Variants in MRM1 observed in about 807,000 individuals in gnomAD.
MRM1 encodes the protein rRNA methyltransferase 1, mitochondrial.
In MRM1, 24 loss-of-function variants were observed where a neutral mutation model predicts 25.0. The observed-to-expected ratio is 0.96, with a 90% CI of 0.69 to 1.35. The LOEUF is 1.35. Among genes scored for constraint, MRM1 ranks in the 40% most tolerant of loss-of-function variants. The pLI is 0.00. For missense variants in MRM1, 431 were observed against 464.1 expected (o/e 0.93, Z 0.65); for synonymous variants, 188 against 199.2 (o/e 0.94, Z 0.47).
intron 2 of MRM1, chr17:36,603,079 C>G (rs1031890553): frequency 1.0e-6 from 1 of 985,284 alleles, no homozygotes; most frequent in Admixed American, 6.1e-5. Flanking sequence ...TTGGAAACCC[C>G]TCTCCCATCC....
chr17:36,627,510 G>A, the MRM1 span, among the ~76,000 whole-genome samples: 1 of 152,158 alleles, frequency 6.6e-6, no homozygotes, highest in Non-Finnish European at 1.5e-5. Context: ...CCTGTGGGAT[G>A]CCTTACTCTT....
Position 36,602,963 on chromosome 17 carries a change from G to A in MRM1, c.636+317G>A. On this transcript the variant is annotated intron_variant, in intron 2 of 4. Transcript: ENST00000614766. This position sits in a 1 kb window ranked among gnomAD's most constrained non-coding sequence, Gnocchi z 4.1. ...CAGTAAATGCATTTTGTTCAGCTGT[G>A]GGGAGCTGCGTACAGGAGACCTGAG... The A allele has an allele frequency of 1.0e-6, 1 of 985,392 alleles. No individual in the cohort carries two copies. 61.0% of individuals were successfully genotyped at this position (985,392 alleles called of 1,614,324 possible).
At chr17:36,631,251 G>A in the MRM1 span, among the ~76,000 whole-genome samples, 1 of 152,210 alleles carries the variant, frequency 6.6e-6, no homozygotes, top group Non-Finnish European at 1.5e-5. Flanking sequence ...CATCTGCCCT[G>A]CCTGTTACCA....
the MRM1 span, among the ~76,000 whole-genome samples, chr17:36,617,424 GCT>G: frequency 7.4e-6 from 1 of 135,590 alleles, no homozygotes; most frequent in Non-Finnish European, 1.5e-5. Flanking sequence ...ACGGAATCTC[GCT>G]CTGTTACCCA....
At chr17:36,616,182 G>A in the MRM1 span, among the ~76,000 whole-genome samples, 1 of 152,196 alleles carries the variant, frequency 6.6e-6, no homozygotes, top group Non-Finnish European at 1.5e-5. Flanking sequence ...CACGTGCTGG[G>A]TGTTTCACAA....
At chr17:36,613,614 C>T (rs1048316866), downstream of MRM1, among the ~76,000 whole-genome samples, 2 of 152,184 alleles carry the variant, frequency 1.3e-5, no homozygotes, top group Admixed American at 6.5e-5. Context: ...TCTCAGTGTA[C>T]ACATGTGGAA....
intron 2 of MRM1, among the ~76,000 whole-genome samples, chr17:36,603,990 C>CTTAAGTG (rs1230911148): frequency 6.6e-6 from 1 of 152,194 alleles, no homozygotes; most frequent in Non-Finnish European, 1.5e-5. Flanking sequence ...AAGCTCCAGG[C>CTTAAGTG]ATCACATCTC....
At chr17:36,607,202 A>T (rs1221775340) in intron 2 of MRM1, among the ~76,000 whole-genome samples, 1 of 151,634 alleles carries the variant, frequency 6.6e-6, no homozygotes, top group Non-Finnish European at 1.5e-5. Context: ...GGCGTGAGCC[A>T]CCGTGCCTGG....
In MRM1 at chr17:36,602,033, C is replaced by T. The variant is rs1030623343; in HGVS notation, c.223C>T (p.Gln75Ter). ...CCGCTCTGTGGCCCGGCTCCTGCTC[C>T]AGGCGGGTAAAGCTGGGCTGCAGGG... ...ARRSVARLLL[Q>*]AGKAGLQGKR... The change falls in exon 1 of 5, where the codon CAG becomes TAG. Residue 75 changes from glutamine to a stop codon, truncating the protein, a stop_gained. Transcript: ENST00000614766. LOFTEE classifies it high-confidence loss of function. The surrounding 1 kb of genome is among the most constrained non-coding windows in gnomAD (Gnocchi z 4.1). 1 of 1,610,742 alleles carries T rather than the reference C, an allele frequency of 6.2e-7. No individual in the cohort carries two copies.
chr17:36,602,631 C>T lies in MRM1; in HGVS notation c.621C>T (p.Leu207=), dbSNP rs929208464. The change falls in exon 2 of 5, where the codon CTC becomes CTT. Residue 207 remains leucine (L), a synonymous_variant. Coordinates refer to ENST00000614766, the MANE Select transcript of MRM1 (RefSeq NM_024864.5). This position sits in a 1 kb window ranked among gnomAD's most constrained non-coding sequence, Gnocchi z 4.1. Reference sequence around the variant, plus strand: ...TGGACGTGTTCTCCACTGATGACCTCACCGGATTTTTACAGGTAATGAGGG... The same window carrying T: ...TGGACGTGTTCTCCACTGATGACCTTACCGGATTTTTACAGGTAATGAGGG... The part of the protein sequence containing the change: ...EVMDVFSTDD[L]TGFLQTKAQQ... 3 of 1,614,152 alleles carry T rather than the reference C, an allele frequency of 1.9e-6. No individual in the cohort carries two copies. Among genetic ancestry groups the T allele is most frequent in the East Asian group, 2.2e-5 (1 of 44,870 alleles).
In MRM1 at chr17:36,602,004, C is replaced by T. The variant is rs761115880; in HGVS notation, c.194C>T (p.Ala65Val). Residue 65 changes from alanine to valine, a missense_variant, in exon 1 of 5, where the codon GCC becomes GTC. Coordinates refer to ENST00000614766, the MANE Select transcript of MRM1 (RefSeq NM_024864.5). This position sits in a 1 kb window ranked among gnomAD's most constrained non-coding sequence, Gnocchi z 4.1. ...CCGTGTCTCCTGGCTCTGCAGGCCG[C>T]CCGCCGCTCTGTGGCCCGGCTCCTG... ...MTPCLLALQAARRSVARLLLQ... is the reference protein window; with the variant it reads ...MTPCLLALQAVRRSVARLLLQ... 6.2e-7 allele frequency: 1 copy of T among 1,611,242 alleles called. No individual in the cohort carries two copies. The highest frequency in any genetic ancestry group is 8.5e-7 in the Non-Finnish European group (1 of 1,178,950).
chr17:36,607,670 A>G lies in MRM1; in HGVS notation c.637A>G (p.Thr213Ala). The change falls in exon 3 of 5, where the codon ACC (threonine) becomes GCC (alanine). Residue 213 changes from threonine to alanine, a missense_variant and splice_region_variant. By Grantham distance (58) the Thr-to-Ala change is moderately conservative (BLOSUM62 0). Transcript: ENST00000614766. ...GAACATATCTTCTTCCCCCTTTCAGACCAAAGCCCAGCAGGGCTGGCTCGT... is the reference window on the plus strand; with the variant it reads ...GAACATATCTTCTTCCCCCTTTCAGGCCAAAGCCCAGCAGGGCTGGCTCGT... ...STDDLTGFLQ[T>A]KAQQGWLVAG... The G allele has an allele frequency of 1.9e-6, 3 of 1,611,602 alleles. No homozygotes were observed. The highest frequency in any genetic ancestry group is 2.5e-6 in the Non-Finnish European group (3 of 1,179,082).
chr17:36,610,697 T>C (rs1451206060), downstream of MRM1, among the ~76,000 whole-genome samples: 2 of 152,246 alleles, frequency 1.3e-5, no homozygotes, highest in African/African-American at 4.8e-5. Flanking sequence ...AGTGTAGTGA[T>C]GTTTCACTTT....
chr17:36,618,558 G>A, the MRM1 span, among the ~76,000 whole-genome samples: 7 of 152,178 alleles, frequency 4.6e-5, no homozygotes, highest in African/African-American at 1.4e-4. Context: ...GTGTGCTCTA[G>A]GCCAGCGTGG....
At chr17:36,606,118 G>A (rs1447442406) in intron 2 of MRM1, among the ~76,000 whole-genome samples, 1 of 152,176 alleles carries the variant, frequency 6.6e-6, no homozygotes, top group African/African-American at 2.4e-5. Flanking sequence ...GGAGGCACCT[G>A]CCTCTGTGCT....
chr17:36,614,315 G>A, the MRM1 span, among the ~76,000 whole-genome samples: 1 of 152,024 alleles, frequency 6.6e-6, no homozygotes, highest in South Asian at 2.1e-4. Flanking sequence ...CCTGCTGGGG[G>A]AGGTGCTCCA....
Position 36,601,953 on chromosome 17 carries a change from G to A in MRM1, c.143G>A (p.Arg48Gln). The A allele has an allele frequency of 6.2e-7, 1 of 1,613,124 alleles. No homozygotes were observed. Among genetic ancestry groups the A allele is most frequent in the Non-Finnish European group, 8.5e-7 (1 of 1,179,862 alleles). The change falls in exon 1 of 5, where the codon CGG becomes CAG. Residue 48 changes from arginine to glutamine, a missense_variant. Arg to Gln is a conservative substitution (Grantham distance 43). Transcript: ENST00000614766. The part of the protein sequence containing the change: ...LLLDDLVPTS[R>Q]LELLFGMTPC... ...CTGGATGACCTGGTGCCGACCTCTC[G>A]GCTGGAGCTTCTGTTTGGCATGACC...
chr17:36,629,462 C>T, the MRM1 span, among the ~76,000 whole-genome samples: 3 of 152,310 alleles, frequency 2.0e-5, no homozygotes, highest in East Asian at 1.9e-4. Context: ...CTAGATGGCG[C>T]TCTGACATTG....
Position 36,608,529 on chromosome 17 carries a change from G to T in MRM1, c.*114G>T. The T allele has an allele frequency of 5.6e-6, 2 of 357,988 alleles. No individual in the cohort carries two copies. The highest frequency in any genetic ancestry group is 6.0e-5 in the South Asian group (1 of 16,600). 22.2% of individuals were successfully genotyped at this position (357,988 alleles called of 1,614,324 possible). ...AGTGTGCACCAGGCCCATGTTTATTGACCACAGTCTGGGGGGGGGGGAAGG... is the reference window on the plus strand; with the variant it reads ...AGTGTGCACCAGGCCCATGTTTATTTACCACAGTCTGGGGGGGGGGGAAGG... On this transcript the variant is annotated 3_prime_UTR_variant, in exon 5 of 5. Transcript: ENST00000614766.
Sources: gnomAD v4.1 joint callset for allele counts (sites outside exome capture counted in the v4.1 genomes callset) on GRCh38, gnomAD v4.1.1 for gene constraint, Gnocchi (gnomAD v3.1) non-coding constraint, MANE v1.5 for transcripts, NCBI Gene and HGNC (gene_info 2026-07-23, HGNC 2026-07-21) for gene names.